Variants in PAN3 observed in about 807,000 individuals in gnomAD.
PAN3 encodes poly(A) specific ribonuclease subunit PAN3, also known as PAN2-PAN3 deadenylation complex subunit PAN3.
A neutral mutation model predicts 96.2 loss-of-function variants in PAN3; 19 were observed. That is an observed-to-expected ratio of 0.20 (90% CI 0.14 to 0.29). The LOEUF is 0.29. PAN3 is among the 10% of genes least tolerant of loss of function. PAN3 has a pLI of 1.00. For missense variants in PAN3, 882 were observed against 1,108.1 expected, an observed-to-expected ratio of 0.80 and a Z score of 2.90; for synonymous variants, 433 against 406.6, an observed-to-expected ratio of 1.06 and a Z score of -0.78.
Position 28,185,240 on chromosome 13 carries a change from G to T in PAN3, c.690+7305G>T, listed in dbSNP as rs897441024. ...TTCCTGTTGGTTATCTCCAGTCTCA[G>T]TCTATTCTTTTCTTAAAATATACAA... On this transcript the variant is annotated intron_variant, in intron 4 of 18. Coordinates refer to ENST00000380958, the MANE Select transcript of PAN3 (RefSeq NM_175854.8). Among the ~76,000 whole-genome samples, 4 of 152,060 alleles carry T rather than the reference G, an allele frequency of 2.6e-5. No individual in the cohort carries two copies. In the South Asian group the frequency reaches 8.3e-4, roughly 32 times the overall value.
chr13:28,212,008 G>T (rs186166622), intron 5 of PAN3, among the ~76,000 whole-genome samples: 122 of 152,302 alleles, frequency 8.0e-4, no homozygotes, highest in South Asian at 3.3e-3. Flanking sequence ...ACATACTGAA[G>T]AAGAGAGAGC....
At position 28,220,284 on chromosome 13, in the gene PAN3, G is replaced by A. The variant is rs375017441; in HGVS notation, c.906G>A (p.Arg302=). ...EFIPKGGSTS[R]LSNVSQSNMS... is the part of the protein sequence containing the mutation. ...TTCCTAAAGGAGGATCAACCTCCAG[G>A]CTGAGTAACGTGTCCCAGTCAAATA... Residue 302 remains arginine, a synonymous_variant, in exon 6 of 19, where the codon AGG becomes AGA. Coordinates refer to ENST00000380958, the MANE Select transcript of PAN3 (RefSeq NM_175854.8). The A allele has an allele frequency of 1.9e-6, 3 of 1,613,622 alleles. No individual in the cohort carries two copies. The highest frequency in any genetic ancestry group is 2.7e-5 in the African/African-American group (2 of 74,904).
chr13:28,204,462 G>C (rs967997621), intron 5 of PAN3, among the ~76,000 whole-genome samples: 10 of 152,042 alleles, frequency 6.6e-5, no homozygotes, highest in Admixed American at 3.3e-4. Context: ...CCATTGTCCA[G>C]TTTTACCTTA....
intron 1 of PAN3, among the ~76,000 whole-genome samples, chr13:28,142,568 T>C (rs1870007552): frequency 6.8e-6 from 1 of 148,058 alleles, no homozygotes; most frequent in Non-Finnish European, 1.5e-5. Context: ...CAAGCACCTC[T>C]AATTATTTTG....
chr13:28,191,991 C>T lies in PAN3; in HGVS notation c.691-5194C>T, dbSNP rs562062586. Among the ~76,000 whole-genome samples the T allele has an allele frequency of 5.1e-4, 78 of 152,004 alleles. 3 individuals carry two copies. The South Asian group carries it at 0.015, about 28-fold the overall frequency. On this transcript the variant is annotated intron_variant, in intron 4 of 18. Transcript: ENST00000380958. ...GGCTCAAACAGTGCTCTCATCTCTG[C>T]CTCCCAAAGTGCTGGGATTACAGGC...
chr13:28,150,026 T>C (rs1871163614), intron 1 of PAN3, among the ~76,000 whole-genome samples: 1 of 152,224 alleles, frequency 6.6e-6, no homozygotes, highest in African/African-American at 2.4e-5. Context: ...TTATTTTAAC[T>C]TTCTTATTTT....
At chr13:28,283,866 C>G (rs1047672751) in intron 17 of PAN3, among the ~76,000 whole-genome samples, 1 of 152,162 alleles carries the variant, frequency 6.6e-6, no homozygotes, top group Non-Finnish European at 1.5e-5. Flanking sequence ...CTCCTAACCA[C>G]TATGCTATGT....
intron 1 of PAN3, among the ~76,000 whole-genome samples, chr13:28,145,152 A>G (rs1221199408): frequency 6.6e-6 from 1 of 152,210 alleles, no homozygotes; most frequent in Non-Finnish European, 1.5e-5. Context: ...CTTCTTTTAT[A>G]AAGGATAGTA....
chr13:28,148,100 C>T (rs530275472), intron 1 of PAN3, among the ~76,000 whole-genome samples: 2 of 152,198 alleles, frequency 1.3e-5, no homozygotes, highest in South Asian at 4.2e-4. Flanking sequence ...AGACTACAGG[C>T]ATAAGCCACC....
intron 5 of PAN3, among the ~76,000 whole-genome samples, chr13:28,205,779 G>A (rs568856995): frequency 1.3e-5 from 2 of 151,580 alleles, no homozygotes; most frequent in South Asian, 4.2e-4. Flanking sequence ...AGGCTGCAGT[G>A]AGCTGTGATT....
chr13:28,149,730 C>T (rs1164820937), intron 1 of PAN3, among the ~76,000 whole-genome samples: 2 of 152,150 alleles, frequency 1.3e-5, no homozygotes, highest in Non-Finnish European at 2.9e-5. Flanking sequence ...ACCCTCTTGC[C>T]TCAGCCTCCT....
chr13:28,275,799 T>G (rs923513072), intron 14 of PAN3, among the ~76,000 whole-genome samples: 14 of 152,184 alleles, frequency 9.2e-5, no homozygotes, highest in Non-Finnish European at 1.9e-4. Context: ...CAGTGAAGTT[T>G]TAAAAGTTTT....
intron 7 of PAN3, among the ~76,000 whole-genome samples, chr13:28,259,013 A>C (rs892574248): frequency 2.0e-5 from 3 of 152,200 alleles, no homozygotes; most frequent in African/African-American, 7.2e-5. Context: ...ATCCTTGAAT[A>C]CAGAACCCAG....
At chr13:28,289,881 CAAA>C in intron 18 of PAN3, among the ~76,000 whole-genome samples, 1 of 141,458 alleles carries the variant, frequency 7.1e-6, no homozygotes, top group Admixed American at 7.1e-5. Flanking sequence ...GACTCCGTCT[CAAA>C]AAAAAAAGAA....
rs988069611 is a variant in PAN3 at position 28,289,476 on chromosome 13, C to A, written c.2523+1354C>A. On this transcript the variant is annotated intron_variant, in intron 18 of 18. Coordinates refer to ENST00000380958, the MANE Select transcript of PAN3 (RefSeq NM_175854.8). ...TCCTTTTGGTCGATACGGGATTTCA[C>A]CATGTTGCTCAGGCTGGTCCCAAAC... Among the ~76,000 whole-genome samples, 15 of 152,174 alleles carry A rather than the reference C, an allele frequency of 9.9e-5. No homozygotes were observed. The South Asian group carries it at 3.1e-3, about 31-fold the overall frequency.
intron 1 of PAN3, among the ~76,000 whole-genome samples, chr13:28,170,290 G>A (rs535007999): frequency 6.6e-6 from 1 of 152,110 alleles, no homozygotes; most frequent in African/African-American, 2.4e-5. Context: ...ATTTCTTAAT[G>A]ATAAGGTGTT....
At chr13:28,263,021 T>G (rs1228192311) in intron 9 of PAN3, among the ~76,000 whole-genome samples, 1 of 152,170 alleles carries the variant, frequency 6.6e-6, no homozygotes, top group African/African-American at 2.4e-5. Flanking sequence ...AGAATTCCAG[T>G]CAAAGCATAA....
At chr13:28,289,620 G>A (rs964894441) in intron 18 of PAN3, among the ~76,000 whole-genome samples, 15 of 152,204 alleles carry the variant, frequency 9.9e-5, no homozygotes, top group Admixed American at 2.6e-4. Flanking sequence ...AGTAGCTCGC[G>A]CCTGTAATCC....
At chr13:28,206,805 TG>T (rs1386976084) in intron 5 of PAN3, among the ~76,000 whole-genome samples, 2 of 152,034 alleles carry the variant, frequency 1.3e-5, no homozygotes, top group African/African-American at 2.4e-5. Flanking sequence ...GCTCTGTCAT[TG>T]ACTGTTTTTT....
Sources: gnomAD v4.1 joint callset for allele counts (sites outside exome capture counted in the v4.1 genomes callset) on GRCh38, gnomAD v4.1.1 for gene constraint, MANE v1.5 for transcripts, NCBI Gene and HGNC (gene_info 2026-07-23, HGNC 2026-07-21) for gene names.